The following GREB1 variants were observed in gnomAD, a reference collection of about 807,000 sequenced individuals.
GREB1 encodes the protein growth regulating estrogen receptor binding 1, also known as protein GREB1.
GREB1 carries 106 observed loss-of-function variants against 200.7 expected under a neutral mutation model. That is an observed-to-expected ratio of 0.53 (90% CI 0.45 to 0.62). GREB1 has a LOEUF of 0.62. Among genes scored for constraint, GREB1 ranks in the 20% least tolerant of loss-of-function variants. The pLI is 0.00. For synonymous variants in GREB1, 1,132 were observed against 1,092.4 expected (o/e 1.04, Z -0.72); for missense variants, 2,243 against 2,556.8 (o/e 0.88, Z 2.65).
At chr2:11,607,595 T>TAGATAC (rs1553373778) in intron 17 of GREB1, among the ~76,000 whole-genome samples, 36,831 of 136,400 alleles carry the variant, frequency 0.27, 5,922 homozygotes, top group Admixed American at 0.4. Context: ...CATATATACA[T>TAGATAC]ATATATACAT....
rs146520435 is a variant in GREB1 at position 11,577,933 on chromosome 2, C to T, written c.638-364C>T. ...CCACCTCACTGGCCGCTGGGGATGG[C>T]CTTTCCCAGAGGAGGAAATAAGGGT... On this transcript the variant is annotated intron_variant, in intron 5 of 32. Transcript: ENST00000381486. Among the ~76,000 whole-genome samples, 697 of 152,304 alleles carry T rather than the reference C, an allele frequency of 4.6e-3. 4 individuals carry two copies. The highest frequency in any genetic ancestry group is 0.02 in the Middle Eastern group (6 of 294).
rs1488541446 is a variant in GREB1 at position 11,618,802 on chromosome 2, C to T, written c.3927C>T (p.Ser1309=). 1 of 1,609,504 alleles carries T rather than the reference C, an allele frequency of 6.2e-7. No homozygotes were observed. The highest frequency in any genetic ancestry group is 1.3e-5 in the African/African-American group (1 of 74,940). ...AGACCATGACATCCACCGAGCAGTCCCTCTACTACCGGCAGTGGACGGTGC... is the reference window on the plus strand; with the variant it reads ...AGACCATGACATCCACCGAGCAGTCTCTCTACTACCGGCAGTGGACGGTGC... ...LSKTMTSTEQ[S]LYYRQWTVPR... Residue 1309 remains serine (S), a synonymous_variant, in exon 22 of 33, where the codon TCC becomes TCT. Coordinates refer to ENST00000381486, the MANE Select transcript of GREB1 (RefSeq NM_014668.4).
At chr2:11,502,874 T>C (rs1380552255) in intron 1 of GREB1, among the ~76,000 whole-genome samples, 1 of 152,066 alleles carries the variant, frequency 6.6e-6, no homozygotes, top group Non-Finnish European at 1.5e-5. Flanking sequence ...TGTCTCATGG[T>C]TGAGGAATGG....
At chr2:11,533,833 C>T (rs1302993863), upstream of GREB1, among the ~76,000 whole-genome samples, 2 of 152,154 alleles carry the variant, frequency 1.3e-5, no homozygotes, top group South Asian at 4.1e-4. Context: ...AAAATTGTAG[C>T]TTGCAGGCAG....
chr2:11,540,902 T>C (rs1327433752), intron 1 of GREB1, among the ~76,000 whole-genome samples: 2 of 152,208 alleles, frequency 1.3e-5, no homozygotes, highest in South Asian at 2.1e-4. Flanking sequence ...GTGAGACAGG[T>C]TGAGGACGCA....
At chr2:11,503,477 C>T (rs982251350) in intron 1 of GREB1, among the ~76,000 whole-genome samples, 6 of 152,204 alleles carry the variant, frequency 3.9e-5, no homozygotes, top group African/African-American at 9.6e-5. Flanking sequence ...ACAAATGTTG[C>T]TCTGATCATC....
At chr2:11,593,791 C>G (rs1006149954) in intron 11 of GREB1, among the ~76,000 whole-genome samples, 2 of 151,698 alleles carry the variant, frequency 1.3e-5, no homozygotes, top group African/African-American at 4.8e-5. Flanking sequence ...TTTAAAAACA[C>G]CCATTGAGGC....
Position 11,616,632 on chromosome 2 carries a change from C to T in GREB1, c.3324C>T (p.Gly1108=), listed in dbSNP as rs775841304. 8 of 1,599,500 alleles carry T rather than the reference C, an allele frequency of 5.0e-6. No individual in the cohort carries two copies. The highest frequency in any genetic ancestry group is 1.1e-5 in the South Asian group (1 of 90,818). The change falls in exon 21 of 33, where the codon GGC becomes GGT. Residue 1108 remains glycine, a splice_region_variant and synonymous_variant. Transcript: ENST00000381486. ...DNEDEELGTE[G]STSEKRSPMK... is the part of the protein sequence containing the mutation. ...CTCAGCGTGTGTGTTTTGGAACAGG[C>T]TCTACCTCGGAGAAGAGAAGCCCCA...
chr2:11,627,944 G>A (rs1684598688), intron 25 of GREB1, among the ~76,000 whole-genome samples: 1 of 152,242 alleles, frequency 6.6e-6, no homozygotes, highest in Admixed American at 6.5e-5. Flanking sequence ...AAGGGAGAGG[G>A]ACAGCATGTG....
At chr2:11,547,953 G>A (rs1272676785) in intron 1 of GREB1, among the ~76,000 whole-genome samples, 3 of 152,196 alleles carry the variant, frequency 2.0e-5, no homozygotes, top group East Asian at 1.9e-4. Context: ...AGGCCGAGGC[G>A]GTAGAATTTC....
At chr2:11,568,428 T>G (rs911561812) in intron 4 of GREB1, among the ~76,000 whole-genome samples, 1 of 152,190 alleles carries the variant, frequency 6.6e-6, no homozygotes, top group African/African-American at 2.4e-5. Context: ...GAGAAAACAT[T>G]TTGGCCAACT....
intron 15 of GREB1, among the ~76,000 whole-genome samples, chr2:11,600,168 A>G (rs934173297): frequency 8.5e-5 from 13 of 152,212 alleles, no homozygotes; most frequent in Non-Finnish European, 2.9e-5. Flanking sequence ...AATTATAGAA[A>G]GAGCTGTATT....
intron 1 of GREB1, among the ~76,000 whole-genome samples, chr2:11,515,073 C>G (rs1673450976): frequency 2.6e-5 from 4 of 151,120 alleles, no homozygotes; most frequent in Admixed American, 2.6e-4. Flanking sequence ...TATCCATCCT[C>G]TCATCTCTTC....
At chr2:11,602,620 G>C (rs964811402) in intron 17 of GREB1, 78 bp downstream of exon 17, 7 of 1,284,250 alleles carry the variant, frequency 5.5e-6, no homozygotes, top group Non-Finnish European at 7.8e-6. Flanking sequence ...GCCAGCCAGG[G>C]AATTCCAGGA....
intron 5 of GREB1, among the ~76,000 whole-genome samples, chr2:11,577,256 T>G (rs1449876672): frequency 2.0e-5 from 3 of 152,124 alleles, no homozygotes; most frequent in African/African-American, 4.8e-5. Flanking sequence ...GCCACCAGCA[T>G]CTGGGGTAGG....
chr2:11,531,673 C>T (rs1255672451), upstream of GREB1, among the ~76,000 whole-genome samples: 5 of 152,132 alleles, frequency 3.3e-5, no homozygotes, highest in East Asian at 5.8e-4. Context: ...CGGGTTCAAG[C>T]GATTCTCCTG....
At chr2:11,491,187 T>C (rs1672768119) in intron 1 of GREB1, among the ~76,000 whole-genome samples, 1 of 152,248 alleles carries the variant, frequency 6.6e-6, no homozygotes, top group East Asian at 1.9e-4. Flanking sequence ...TTACATTATA[T>C]TCTAAACATT....
At chr2:11,521,244 GGACCAC>G (rs1673693988) in intron 1 of GREB1, among the ~76,000 whole-genome samples, 1 of 152,066 alleles carries the variant, frequency 6.6e-6, no homozygotes, top group Non-Finnish European at 1.5e-5. Context: ...TGAGTAGCTG[GGACCAC>G]AGGCATGTGC....
chr2:11,566,456 G>A (rs138212269), intron 3 of GREB1, 24 bp from the exon 4 acceptor site: 1 of 1,586,388 alleles, frequency 6.3e-7, no homozygotes, highest in African/African-American at 1.3e-5. Flanking sequence ...TGGGCAGCGT[G>A]TGAACCCTGT....
Sources: gnomAD v4.1 joint callset for allele counts (sites outside exome capture counted in the v4.1 genomes callset) on GRCh38, gnomAD v4.1.1 for gene constraint, MANE v1.5 for transcripts, NCBI Gene and HGNC (gene_info 2026-07-23, HGNC 2026-07-21) for gene names.